PTPRD: variants seen among roughly 807,000 people sequenced by gnomAD.
PTPRD encodes the protein protein tyrosine phosphatase receptor type D.
PTPRD carries 34 observed loss-of-function variants against 214.5 expected under a neutral mutation model. That is an observed-to-expected ratio of 0.16 (90% confidence interval 0.12 to 0.21). PTPRD has a LOEUF of 0.21. PTPRD is among the 10% of genes least tolerant of loss of function. The pLI, the probability that PTPRD is intolerant of heterozygous loss-of-function variation, is 1.00. For missense variants in PTPRD, 2,545 were observed against 2,398.7 expected (o/e 1.06, Z -1.27); for synonymous variants, 1,128 against 845.7 (o/e 1.33, Z -5.79).
At chr9:8,854,862 C>T (rs72704329) in intron 11 of PTPRD, among the ~76,000 whole-genome samples, 20,545 of 152,146 alleles carry the variant, frequency 0.14, 1,721 homozygotes, top group East Asian at 0.32. Flanking sequence ...ATGCAAATAA[C>T]ATCCTTATCA....
chr9:9,064,875 C>A (rs1001396563), intron 10 of PTPRD, among the ~76,000 whole-genome samples: 3 of 152,178 alleles, frequency 2.0e-5, no homozygotes, highest in Non-Finnish European at 4.4e-5. Context: ...GTCTAGACAG[C>A]AGTCATGAAG....
intron 4 of PTPRD, among the ~76,000 whole-genome samples, chr9:9,970,243 G>A (rs539494979): frequency 9.9e-5 from 15 of 151,896 alleles, no homozygotes. Flanking sequence ...GAGGTCAGGA[G>A]ATCGAGACCA....
rs1435970356 is a variant in PTPRD at position 8,317,954 on chromosome 9, A to C, written c.5671-12T>G. The C allele has an allele frequency of 6.2e-7, 1 of 1,610,834 alleles. No homozygotes were observed. The highest frequency in any genetic ancestry group is 8.5e-7 in the Non-Finnish European group (1 of 1,177,714). On this transcript the variant is annotated splice_polypyrimidine_tract_variant and intron_variant, in intron 45 of 45. Transcript: ENST00000381196. The stretch of plus-strand genomic sequence containing the variant: ...AACTGATATTGATCCTGCAGGAGAC[A>C]ATGAATGGGGAGAAGCAAAAGAAGG...
intron 5 of PTPRD, among the ~76,000 whole-genome samples, chr9:9,909,281 A>C (rs1215058406): frequency 6.6e-6 from 1 of 150,512 alleles, no homozygotes; most frequent in Non-Finnish European, 1.5e-5. Context: ...TAGCATGCTG[A>C]TGAATGGGAT....
chr9:8,828,806 C>A (rs914851551), intron 11 of PTPRD, among the ~76,000 whole-genome samples: 1 of 152,148 alleles, frequency 6.6e-6, no homozygotes, highest in African/African-American at 2.4e-5. Flanking sequence ...ACATTAAATA[C>A]TCCCTATAAA....
rs2098919550 is a variant in PTPRD at position 10,133,639 on chromosome 9, A to T, written c.-544-99849T>A. On this transcript the variant is annotated intron_variant, in intron 3 of 45. Coordinates refer to ENST00000381196, the MANE Select transcript of PTPRD (RefSeq NM_002839.4). The stretch of plus-strand genomic sequence containing the variant: ...TATGAAATATAACTATAAGTCCACC[A>T]TAATAAAAGTAAATAATATGTAAAG... Among the ~76,000 whole-genome samples the T allele has an allele frequency of 3.9e-5, 6 of 152,292 alleles. No homozygotes were observed. In the South Asian group the frequency reaches 1.2e-3, roughly 32 times the overall value.
At chr9:9,838,763 T>C (rs1343724172) in intron 5 of PTPRD, among the ~76,000 whole-genome samples, 1 of 152,210 alleles carries the variant, frequency 6.6e-6, no homozygotes, top group African/African-American at 2.4e-5. Flanking sequence ...AGAAACTCTT[T>C]AGTTTAATTA....
At chr9:8,728,873 G>A (rs781238309) in intron 12 of PTPRD, among the ~76,000 whole-genome samples, 6 of 152,000 alleles carry the variant, frequency 3.9e-5, no homozygotes, top group Non-Finnish European at 5.9e-5. Flanking sequence ...CCAGCTACTC[G>A]GGAGGCTGAG....
At chr9:8,934,454 TATATATATAA>T (rs1273565667) in intron 11 of PTPRD, among the ~76,000 whole-genome samples, 1,934 of 31,150 alleles carry the variant, frequency 0.062, 169 homozygotes, top group African/African-American at 0.1. Flanking sequence ...TATAAATTTA[TATATATATAA>T]ATATATATAT....
chr9:9,880,775 G>A (rs2068422733), intron 5 of PTPRD, among the ~76,000 whole-genome samples: 1 of 152,130 alleles, frequency 6.6e-6, no homozygotes, highest in South Asian at 2.1e-4. Context: ...ATTCAGCCAA[G>A]CATGTATTTC....
intron 3 of PTPRD, among the ~76,000 whole-genome samples, chr9:10,244,497 G>T (rs1156883788): frequency 6.6e-6 from 1 of 152,104 alleles, no homozygotes; most frequent in Non-Finnish European, 1.5e-5. Flanking sequence ...CAGGTAGAGA[G>T]ATCTGAGTTT....
intron 9 of PTPRD, among the ~76,000 whole-genome samples, chr9:9,228,034 G>C (rs1273715878): frequency 6.6e-6 from 1 of 152,132 alleles, no homozygotes; most frequent in Middle Eastern, 3.2e-3. Flanking sequence ...AATGCAGGCT[G>C]TCTATATCAT....
At chr9:9,992,622 A>G (rs2095981646) in intron 4 of PTPRD, among the ~76,000 whole-genome samples, 1 of 152,206 alleles carries the variant, frequency 6.6e-6, no homozygotes, top group Non-Finnish European at 1.5e-5. Flanking sequence ...GCGCAGACAT[A>G]AAAAAGGATG....
chr9:8,836,089 G>A (rs2097415368), intron 11 of PTPRD, among the ~76,000 whole-genome samples: 1 of 152,162 alleles, frequency 6.6e-6, no homozygotes, highest in African/African-American at 2.4e-5. Flanking sequence ...TCGTCCGAAT[G>A]CCACTTTTTA....
At chr9:8,912,237 C>G (rs563134547) in intron 11 of PTPRD, among the ~76,000 whole-genome samples, 123 of 152,112 alleles carry the variant, frequency 8.1e-4, no homozygotes, top group African/African-American at 2.8e-3. Flanking sequence ...CTTTATAGAC[C>G]CAACGGGAAC....
At chr9:9,662,910 C>T (rs1283009066) in intron 7 of PTPRD, among the ~76,000 whole-genome samples, 1 of 151,502 alleles carries the variant, frequency 6.6e-6, no homozygotes, top group African/African-American at 2.4e-5. Flanking sequence ...TTTGTTTTCA[C>T]TGCAGTTCTT....
At chr9:9,435,571 C>T (rs576128316) in intron 8 of PTPRD, among the ~76,000 whole-genome samples, 3 of 152,252 alleles carry the variant, frequency 2.0e-5, no homozygotes, top group East Asian at 1.9e-4. Flanking sequence ...TATTACACTT[C>T]ATCATCTTTG....
chr9:9,383,423 T>A (rs979873339), intron 9 of PTPRD, among the ~76,000 whole-genome samples: 2 of 152,172 alleles, frequency 1.3e-5, no homozygotes, highest in Admixed American at 1.3e-4. Context: ...ATTTGTATAA[T>A]GTGATTTACA....
At chr9:8,614,659 G>A (rs191591888) in intron 14 of PTPRD, among the ~76,000 whole-genome samples, 154 of 152,084 alleles carry the variant, frequency 1.0e-3, no homozygotes, top group Non-Finnish European at 1.9e-3. Context: ...GAAATAAGAG[G>A]GCATATAAGG....
Sources: gnomAD v4.1 joint callset for allele counts (sites outside exome capture counted in the v4.1 genomes callset) on GRCh38, gnomAD v4.1.1 for gene constraint, MANE v1.5 for transcripts, NCBI Gene and HGNC (gene_info 2026-07-23, HGNC 2026-07-21) for gene names.